Variants in ESRRG observed in about 807,000 individuals in gnomAD.
ESRRG encodes the protein estrogen related receptor gamma, also known as estrogen-related receptor gamma.
Under a neutral mutation model 44.0 loss-of-function variants are expected in ESRRG, and 13 were observed. The observed-to-expected ratio is 0.30, with a 90% CI of 0.19 to 0.47. The LOEUF (loss-of-function observed/expected upper bound fraction) is 0.47. ESRRG is among the 20% of genes least tolerant of loss of function. The pLI, the probability that ESRRG is intolerant of heterozygous loss-of-function variation, is 1.00. For missense variants in ESRRG, 395 were observed against 580.6 expected, an observed-to-expected ratio of 0.68 and a Z score of 3.29; for synonymous variants, 215 against 214.6, an observed-to-expected ratio of 1.00 and a Z score of -0.02.
intron 2 of ESRRG, among the ~76,000 whole-genome samples, chr1:216,937,045 T>A (rs951870948): frequency 1.3e-5 from 2 of 152,084 alleles, no homozygotes; most frequent in African/African-American, 4.8e-5. Context: ...GGTTTTTCCC[T>A]TGTAATTGGT....
At chr1:216,659,968 G>A (rs188470080) in intron 2 of ESRRG, among the ~76,000 whole-genome samples, 8 of 152,218 alleles carry the variant, frequency 5.3e-5, no homozygotes, top group African/African-American at 9.6e-5. Flanking sequence ...TAGTGAGTCT[G>A]TTATTCATTC....
intron 2 of ESRRG, among the ~76,000 whole-genome samples, chr1:216,844,716 G>A (rs76058798): frequency 0.019 from 2,942 of 151,848 alleles, 107 homozygotes; most frequent in African/African-American, 0.068. Flanking sequence ...TTCTCAAGTC[G>A]TGCACTCTTT....
chr1:217,033,969 G>T (rs2082451397), intron 1 of ESRRG, among the ~76,000 whole-genome samples: 1 of 152,168 alleles, frequency 6.6e-6, no homozygotes, highest in African/African-American at 2.4e-5. Flanking sequence ...CATCTCCAGA[G>T]CTCAGTTTCT....
intron 2 of ESRRG, among the ~76,000 whole-genome samples, chr1:216,932,532 GGTGT>G (rs144794763): frequency 6.6e-6 from 1 of 151,240 alleles, no homozygotes; most frequent in African/African-American, 2.4e-5. Context: ...TTTTGGTAGG[GGTGT>G]GTGTGTGTGT....
intron 1 of ESRRG, among the ~76,000 whole-genome samples, chr1:216,712,693 C>G (rs189733617): frequency 2.7e-4 from 41 of 152,278 alleles, no homozygotes; most frequent in Middle Eastern, 3.4e-3. Context: ...AATCTTAAAC[C>G]ATTACATTTC....
At chr1:216,746,677 A>G (rs562498126) in intron 2 of ESRRG, among the ~76,000 whole-genome samples, 26 of 152,290 alleles carry the variant, frequency 1.7e-4, no homozygotes, top group African/African-American at 6.0e-4. Flanking sequence ...ACCTGTTTAA[A>G]TAGATAAAAC....
At chr1:216,999,044 C>T (rs903444321) in intron 1 of ESRRG, among the ~76,000 whole-genome samples, 1 of 152,174 alleles carries the variant, frequency 6.6e-6, no homozygotes, top group Non-Finnish European at 1.5e-5. Flanking sequence ...TGTGACTCTC[C>T]TGGGCCTGAG....
chr1:216,872,653 T>C (rs1011475717), intron 2 of ESRRG, among the ~76,000 whole-genome samples: 1 of 152,210 alleles, frequency 6.6e-6, no homozygotes, highest in African/African-American at 2.4e-5. Flanking sequence ...TTCCATTTGA[T>C]TTTTCTTTCT....
At chr1:216,896,917 C>T (rs1331959445) in intron 2 of ESRRG, among the ~76,000 whole-genome samples, 5 of 152,172 alleles carry the variant, frequency 3.3e-5, no homozygotes, top group Admixed American at 6.6e-5. Flanking sequence ...ACTTAAGATG[C>T]TGTGCAGTGA....
At chr1:217,043,530 C>G (rs1172206629) in intron 1 of ESRRG, among the ~76,000 whole-genome samples, 1 of 152,098 alleles carries the variant, frequency 6.6e-6, no homozygotes, top group African/African-American at 2.4e-5. Flanking sequence ...CAATACCATT[C>G]CTTAGTACTT....
At chr1:216,525,749 A>T (rs1411119331) in intron 5 of ESRRG, among the ~76,000 whole-genome samples, 1 of 152,184 alleles carries the variant, frequency 6.6e-6, no homozygotes, top group Non-Finnish European at 1.5e-5. Context: ...CACCATTTGG[A>T]AGCCACACTT....
intron 5 of ESRRG, among the ~76,000 whole-genome samples, chr1:216,535,620 T>G (rs190950252): frequency 6.3e-4 from 96 of 152,250 alleles, no homozygotes; most frequent in African/African-American, 1.9e-3. Flanking sequence ...TTTCCTATGT[T>G]CTCAATCCAT....
chr1:216,533,532 A>G (rs1209765397), intron 5 of ESRRG, among the ~76,000 whole-genome samples: 1 of 152,156 alleles, frequency 6.6e-6, no homozygotes, highest in African/African-American at 2.4e-5. Context: ...AAATGGCTAC[A>G]GCAGGAGGCA....
chr1:217,115,383 C>T (rs1341406011), intron 1 of ESRRG, among the ~76,000 whole-genome samples: 1 of 152,100 alleles, frequency 6.6e-6, no homozygotes, highest in Non-Finnish European at 1.5e-5. Flanking sequence ...CCCCAACCAG[C>T]CTGGCTTTAG....
chr1:216,603,948 A>AAAAAC (rs557218977), intron 3 of ESRRG, among the ~76,000 whole-genome samples: 76,647 of 130,310 alleles, frequency 0.59, 21,300 homozygotes, highest in African/African-American at 0.62. Flanking sequence ...AAAAAAACAA[A>AAAAAC]AAAAAAAAAA....
At chr1:216,682,878 T>A (rs78719635) in intron 1 of ESRRG, among the ~76,000 whole-genome samples, 2 of 151,930 alleles carry the variant, frequency 1.3e-5, no homozygotes, top group Non-Finnish European at 2.9e-5. Context: ...TGAGCTTTTT[T>A]CCCCCCTGCT....
intron 2 of ESRRG, among the ~76,000 whole-genome samples, chr1:216,762,242 A>C (rs1340738806): frequency 6.6e-6 from 1 of 152,046 alleles, no homozygotes; most frequent in Non-Finnish European, 1.5e-5. Flanking sequence ...GCTGCTATAA[A>C]GACACATGCA....
chr1:216,951,967 C>T (rs1468196583), intron 1 of ESRRG, among the ~76,000 whole-genome samples: 1 of 151,952 alleles, frequency 6.6e-6, no homozygotes, highest in African/African-American at 2.4e-5. Context: ...CAAAGAAACA[C>T]ACATCCTGAA....
intron 1 of ESRRG, among the ~76,000 whole-genome samples, chr1:217,060,458 G>A (rs1556892): frequency 1 from 152,126 of 152,214 alleles, 76,019 homozygotes; most frequent in Non-Finnish European, 1. Context: ...TGAACTTCTT[G>A]ATGTCTCCAC....
Sources: allele counts gnomAD v4.1 joint callset (sites outside exome capture counted in the v4.1 genomes callset), GRCh38; gene constraint gnomAD v4.1.1; transcripts MANE v1.5; gene names NCBI Gene and HGNC (gene_info 2026-07-23, HGNC 2026-07-21).